Variants in AQP6 observed in about 807,000 individuals in gnomAD.
AQP6 encodes the protein aquaporin 6, also known as aquaporin-6.
A neutral mutation model predicts 16.3 loss-of-function variants in AQP6; 14 were observed. The ratio of observed to expected loss-of-function variants is 0.86; its 90% CI spans 0.57 to 1.34. The LOEUF is 1.34. Ranked by LOEUF, AQP6 falls within the 40% of genes most tolerant of loss-of-function variation. The probability of loss-of-function intolerance (pLI) is 0.00; values close to 1 mark genes in which losing one functional copy is unlikely to be tolerated. For synonymous variants in AQP6, 178 were observed against 166.8 expected (o/e 1.07, Z -0.52); for missense variants, 331 against 379.7 (o/e 0.87, Z 1.07).
chr12:49,973,789 G>A lies in AQP6; in HGVS notation c.402+214G>A, dbSNP rs1947549239. On this transcript the variant is annotated intron_variant, in intron 1 of 3. Coordinates refer to ENST00000315520, the MANE Select transcript of AQP6 (RefSeq NM_001652.4). ...TGGGATAGTGGCGCGAAGAACAGGTGGAGAAGGAAGAGGCCACATAAAGGA... is the reference window on the plus strand; with the variant it reads ...TGGGATAGTGGCGCGAAGAACAGGTAGAGAAGGAAGAGGCCACATAAAGGA... 24 of 1,092,368 alleles carry A rather than the reference G, an allele frequency of 2.2e-5. No homozygotes were observed. The South Asian group carries it at 4.3e-4, about 20-fold the overall frequency. 67.7% of individuals were successfully genotyped at this position (1,092,368 alleles called of 1,614,324 possible).
At position 49,977,025 on chromosome 12, in the gene AQP6, T is replaced by G. The variant is rs1163789322; in HGVS notation, c.*1354T>G. 2 of 702,368 alleles carry G rather than the reference T, an allele frequency of 2.8e-6. No homozygotes were observed. Among genetic ancestry groups the G allele is most frequent in the Admixed American group, 2.0e-5 (1 of 50,014 alleles). The allele number at this position is 702,368 out of a possible 1,614,324, so 43.5% of individuals were successfully genotyped here. On this transcript the variant is annotated 3_prime_UTR_variant, in exon 4 of 4. Transcript: ENST00000315520. ...CTTTCTGGATCTCGGCTTCTCCAGC[T>G]GTAAAATGGACACACAATCCTCCTC...
chr12:49,973,971 C>G (rs544760121), intron 1 of AQP6: 1 of 1,155,644 alleles, frequency 8.7e-7, no homozygotes, highest in Admixed American at 4.2e-5. Context: ...CCCTCCACCT[C>G]GAGGCCTGCC....
At position 49,975,011 on chromosome 12, in the gene AQP6, G is replaced by A. The variant is rs1365954709; in HGVS notation, c.642+185G>A. ...GACTGGCAAGAAATGGGCCAGGGCA[G>A]GAGCTGCAGCCTTGGCCCAGACTTT... is the stretch of plus-strand genomic sequence containing the variant. On this transcript the variant is annotated intron_variant, in intron 3 of 3. Transcript: ENST00000315520. This position sits in a 1 kb window ranked among gnomAD's most constrained non-coding sequence, Gnocchi z 4.4. 7.1e-6 allele frequency: 10 copies of A among 1,412,118 alleles called. No individual in the cohort carries two copies. The highest frequency in any genetic ancestry group is 9.2e-6 in the Non-Finnish European group (10 of 1,086,164). The allele number at this position is 1,412,118 out of a possible 1,614,324, so 87.5% of individuals were successfully genotyped here.
intron 1 of AQP6, chr12:49,973,928 C>T (rs1018974468): frequency 3.7e-5 from 44 of 1,185,980 alleles, no homozygotes; most frequent in South Asian, 2.7e-4. Context: ...GCTCCACCCA[C>T]GTCCTCTGCT....
intron 1 of AQP6, chr12:49,973,937 C>T: frequency 1.7e-6 from 2 of 1,173,928 alleles, no homozygotes; most frequent in East Asian, 8.2e-5. Flanking sequence ...ACGTCCTCTG[C>T]TCTCCGACTG....
rs376003858 is a variant in AQP6, at chr12:49,975,681, C to A, written c.*10C>A. The A allele has an allele frequency of 6.6e-7, 1 of 1,517,980 alleles. No individual in the cohort carries two copies. Among genetic ancestry groups the A allele is most frequent in the Non-Finnish European group, 8.8e-7 (1 of 1,138,308 alleles). 94.0% of individuals were successfully genotyped at this position (1,517,980 alleles called of 1,614,324 possible). The stretch of plus-strand genomic sequence containing the variant: ...GATGGAGAGTGTGTGAAACAGCCTA[C>A]GCCTGGCCGCGCCCTTGGGCTTCCT... On this transcript the variant is annotated 3_prime_UTR_variant, in exon 4 of 4. Coordinates refer to ENST00000315520, the MANE Select transcript of AQP6 (RefSeq NM_001652.4). This position sits in a 1 kb window ranked among gnomAD's most constrained non-coding sequence, Gnocchi z 4.4.
chr12:49,973,022 A>G lies in AQP6; in HGVS notation c.-152A>G. 1 of 1,066,846 alleles carries G rather than the reference A, an allele frequency of 9.4e-7. No homozygotes were observed. Among genetic ancestry groups the G allele is most frequent in the South Asian group, 1.7e-5 (1 of 59,080 alleles). 66.1% of individuals were successfully genotyped at this position (1,066,846 alleles called of 1,614,324 possible). On this transcript the variant is annotated 5_prime_UTR_variant, in exon 1 of 4. Transcript: ENST00000315520. ...AGTCCTGGGGACAGGAGCGTGGTGG[A>G]GGAGCTGCAGGTGGGGGCCAGAGAA...
intron 1 of AQP6, chr12:49,973,990 C>T (rs1947551069): frequency 2.6e-6 from 3 of 1,162,306 alleles, no homozygotes; most frequent in Admixed American, 4.2e-5. Flanking sequence ...CCTCACTCGC[C>T]CCTTCTCCAT....
rs1276642424 is a variant in AQP6, at chr12:49,976,921, T to C, written c.*1250T>C. The C allele has an allele frequency of 4.3e-6, 3 of 700,838 alleles. No individual in the cohort carries two copies. The highest frequency in any genetic ancestry group is 1.7e-5 in the African/African-American group (1 of 57,144). The allele number at this position is 700,838 out of a possible 1,614,324, so 43.4% of individuals were successfully genotyped here. Reference sequence around the variant, plus strand: ...AAACTAAGATTTGAGATTCAGTGCCTCTGAAAGACTACCAAAATCTAAGTT... The same window carrying C: ...AAACTAAGATTTGAGATTCAGTGCCCCTGAAAGACTACCAAAATCTAAGTT... On this transcript the variant is annotated 3_prime_UTR_variant, in exon 4 of 4. Transcript: ENST00000315520.
intron 1 of AQP6, chr12:49,973,792 G>A (rs907530372): frequency 2.5e-5 from 27 of 1,099,210 alleles, no homozygotes; most frequent in Non-Finnish European, 3.4e-5. Context: ...AACAGGTGGA[G>A]AAGGAAGAGG....
chr12:49,974,098 CA>C (rs1479760938), intron 1 of AQP6: 1 of 1,250,698 alleles, frequency 8.0e-7, no homozygotes, highest in Admixed American at 3.8e-5. Context: ...CCACTGGCCC[CA>C]ACCAACCCAC....
chr12:49,973,297 G>A lies in AQP6; in HGVS notation c.124G>A (p.Val42Met), dbSNP rs373075912. Residue 42 changes from valine to methionine, a missense_variant, in exon 1 of 4, where the codon GTG becomes ATG. Physicochemically the swap from Val to Met is conservative, Grantham distance 21. Transcript: ENST00000315520. ...LATGLYVFFG[V>M]GSVMRWPTAL... is the part of the protein sequence containing the mutation. The stretch of plus-strand genomic sequence containing the variant: ...CACGGGGCTGTATGTGTTCTTTGGC[G>A]TGGGCTCAGTCATGCGCTGGCCCAC... The A allele has an allele frequency of 1.5e-5, 24 of 1,613,634 alleles. No homozygotes were observed. Among genetic ancestry groups the A allele is most frequent in the East Asian group, 6.7e-5 (3 of 44,902 alleles).
chr12:49,973,799 G>C (rs542005637), intron 1 of AQP6: 1 of 1,104,738 alleles, frequency 9.1e-7, no homozygotes, highest in East Asian at 2.6e-5. Context: ...GGAGAAGGAA[G>C]AGGCCACATA....
intron 1 of AQP6, 183 bp from the exon 2 acceptor site, chr12:49,974,141 G>A (rs1221606438): frequency 7.8e-7 from 1 of 1,287,432 alleles, no homozygotes; most frequent in Non-Finnish European, 9.8e-7. Context: ...ACTCACTTCT[G>A]CAGGGAGCAA....
Position 49,973,549 on chromosome 12 carries a change from A to G in AQP6, c.376A>G (p.Ile126Val), listed in dbSNP as rs1248271173. 33 of 1,610,150 alleles carry G rather than the reference A, an allele frequency of 2.0e-5. No homozygotes were observed. The highest frequency in any genetic ancestry group is 2.8e-5 in the Non-Finnish European group (33 of 1,178,250). ...ALLYGVMPGDIRETLGINVVR... is the reference protein window; with the variant it reads ...ALLYGVMPGDVRETLGINVVR... ...GCTTTATGGGGTCATGCCGGGAGAC[A>G]TCCGAGAGACCCTTGGGATCAACGT... Residue 126 changes from isoleucine (I) to valine (V), a missense_variant, in exon 1 of 4, where the codon ATC (isoleucine) becomes GTC (valine). Ile to Val is a conservative substitution (Grantham distance 29). Transcript: ENST00000315520.
At position 49,973,516 on chromosome 12, in the gene AQP6, G is replaced by T; in HGVS notation, c.343G>T (p.Ala115Ser). ...AAQLVGATVG[A>S]ALLYGVMPGD... ...CCAGCTGGTGGGGGCCACGGTGGGG[G>T]CTGCTCTGCTTTATGGGGTCATGCC... The change falls in exon 1 of 4, where the codon GCT becomes TCT. Residue 115 changes from alanine (A) to serine (S), a missense_variant. Transcript: ENST00000315520. 1 of 1,613,548 alleles carries T rather than the reference G, an allele frequency of 6.2e-7. No homozygotes were observed. Among genetic ancestry groups the T allele is most frequent in the Non-Finnish European group, 8.5e-7 (1 of 1,179,908 alleles).
rs138944925 is a variant in AQP6 at position 49,974,488 on chromosome 12, G to A, written c.561+6G>A. 73 of 1,599,390 alleles carry A rather than the reference G, an allele frequency of 4.6e-5. No homozygotes were observed. In the African/African-American group the frequency reaches 8.3e-4, roughly 18 times the overall value. On this transcript the variant is annotated splice_donor_region_variant and intron_variant, in intron 2 of 3. Coordinates refer to ENST00000315520, the MANE Select transcript of AQP6 (RefSeq NM_001652.4). ...CACTGGGCCACCTCATTGGGGTAAGGAACAGAGGGGACACCGTGCACATGC... is the reference window on the plus strand; with the variant it reads ...CACTGGGCCACCTCATTGGGGTAAGAAACAGAGGGGACACCGTGCACATGC...
chr12:49,973,987 C>T (rs1947551017), intron 1 of AQP6: 2 of 1,160,036 alleles, frequency 1.7e-6, no homozygotes, highest in South Asian at 7.6e-5. Flanking sequence ...CTGCCTCACT[C>T]GCCCCTTCTC....
rs373927685 is a variant in AQP6, at chr12:49,975,644, G to C, written c.822G>C (p.Ser274=). The C allele has an allele frequency of 1.3e-6, 2 of 1,585,550 alleles. No individual in the cohort carries two copies. Among genetic ancestry groups the C allele is most frequent in the Non-Finnish European group, 1.7e-6 (2 of 1,170,052 alleles). Residue 274 remains serine, a synonymous_variant, in exon 4 of 4, where the codon TCG becomes TCC. Transcript: ENST00000315520. This position sits in a 1 kb window ranked among gnomAD's most constrained non-coding sequence, Gnocchi z 4.4. ...EPLKKESQPG[S]GAVEMESV is the part of the protein sequence containing the mutation. Reference sequence around the variant, plus strand: ...TGAAGAAGGAATCCCAGCCGGGTTCGGGAGCCGTGGAGATGGAGAGTGTGT... The same window carrying C: ...TGAAGAAGGAATCCCAGCCGGGTTCCGGAGCCGTGGAGATGGAGAGTGTGT...
Sources: gnomAD v4.1 joint callset for allele counts on GRCh38, gnomAD v4.1.1 for gene constraint, Gnocchi (gnomAD v3.1) non-coding constraint, MANE v1.5 for transcripts, NCBI Gene and HGNC (gene_info 2026-07-23, HGNC 2026-07-21) for gene names.